The following DCAF7 variants were observed in gnomAD, a reference collection of about 807,000 sequenced individuals.
The protein encoded by DCAF7 is DDB1 and CUL4 associated factor 7.
DCAF7 carries 4 observed loss-of-function variants against 41.2 expected under a neutral mutation model. The ratio of observed to expected loss-of-function variants is 0.10; its 90% CI spans 0.05 to 0.22. The LOEUF is 0.22. Ranked by LOEUF, DCAF7 falls within the 10% of genes least tolerant of loss-of-function variation. The pLI is 1.00. For missense variants in DCAF7, 131 were observed against 443.2 expected (o/e 0.30, Z 6.32); for synonymous variants, 143 against 164.2 (o/e 0.87, Z 0.99).
At chr17:63,579,153 G>A (rs1367361266) in intron 2 of DCAF7, among the ~76,000 whole-genome samples, 184 bp from the exon 3 acceptor site, 2 of 152,116 alleles carry the variant, frequency 1.3e-5, no homozygotes, top group East Asian at 3.9e-4. Context: ...AACAAAGCTG[G>A]GCAGAGGAGA....
chr17:63,578,642 T>TTA lies in DCAF7; in HGVS notation c.297+16_297+17dup. The stretch of plus-strand genomic sequence containing the variant: ...CGTGTGTGGAGGGTAAGCGGATGCT[T>TTA]TATTAGCAGCCAGACAAGTGGGCTT... On this transcript the variant is annotated intron_variant, in intron 2 of 6. Transcript: ENST00000614556. 1.9e-6 allele frequency: 3 copies of TTA among 1,613,800 alleles called. No homozygotes were observed. The highest frequency in any genetic ancestry group is 2.5e-6 in the Non-Finnish European group (3 of 1,179,736).
intron 1 of DCAF7, among the ~76,000 whole-genome samples, chr17:63,569,383 GAAA>G (rs796123483): frequency 3.2e-5 from 4 of 123,694 alleles, no homozygotes; most frequent in Non-Finnish European, 5.2e-5. Context: ...CTACTTTAAG[GAAA>G]AAAAAAAAAA....
chr17:63,557,028 C>A (rs543636627), intron 1 of DCAF7, among the ~76,000 whole-genome samples: 1 of 151,814 alleles, frequency 6.6e-6, no homozygotes. Context: ...ACCGCCATCT[C>A]AAAACCAAAA....
chr17:63,561,411 T>C (rs1181914878), intron 1 of DCAF7, among the ~76,000 whole-genome samples: 7 of 151,992 alleles, frequency 4.6e-5, no homozygotes, highest in Non-Finnish European at 8.8e-5. Context: ...TTAAGTGAAG[T>C]AGACAAAACA....
chr17:63,560,030 T>C (rs185433806), intron 1 of DCAF7, among the ~76,000 whole-genome samples: 1 of 151,912 alleles, frequency 6.6e-6, no homozygotes, highest in Non-Finnish European at 1.5e-5. Flanking sequence ...CATATAAAGA[T>C]CTGCAAATCA....
intron 4 of DCAF7, among the ~76,000 whole-genome samples, chr17:63,581,978 C>T (rs1022763043): frequency 5.3e-5 from 8 of 152,104 alleles, no homozygotes; most frequent in South Asian, 4.1e-4. Flanking sequence ...CACTTAGAGC[C>T]GAGAGAGCAT....
chr17:63,588,657 T>C (rs1284647653), intron 6 of DCAF7, among the ~76,000 whole-genome samples: 1 of 152,172 alleles, frequency 6.6e-6, no homozygotes, highest in Non-Finnish European at 1.5e-5. Context: ...TTTAAGTGGC[T>C]GCAAATGACA....
At chr17:63,578,145 G>T (rs774530943) in intron 1 of DCAF7, among the ~76,000 whole-genome samples, 1 of 152,102 alleles carries the variant, frequency 6.6e-6, no homozygotes, top group Non-Finnish European at 1.5e-5. Flanking sequence ...GGGAGGATCA[G>T]TTGAGCCCAG....
chr17:63,578,860 G>A (rs1167982384), intron 2 of DCAF7, among the ~76,000 whole-genome samples: 1 of 152,214 alleles, frequency 6.6e-6, no homozygotes, highest in African/African-American at 2.4e-5. Context: ...CAGTCAACCC[G>A]AGGTGATGAT....
chr17:63,577,627 A>G (rs1413474529), intron 1 of DCAF7, among the ~76,000 whole-genome samples: 1 of 152,206 alleles, frequency 6.6e-6, no homozygotes, highest in Non-Finnish European at 1.5e-5. Flanking sequence ...GTCATTTGAC[A>G]TACCTTTATG....
chr17:63,588,194 T>C (rs1274549629), intron 6 of DCAF7, among the ~76,000 whole-genome samples: 7 of 146,220 alleles, frequency 4.8e-5, no homozygotes, highest in African/African-American at 8.1e-5. Flanking sequence ...CTTGGATTTT[T>C]TTTTTTTTTT....
At chr17:63,560,842 C>T (rs146343822) in intron 1 of DCAF7, among the ~76,000 whole-genome samples, 7 of 152,278 alleles carry the variant, frequency 4.6e-5, no homozygotes, top group Non-Finnish European at 7.4e-5. Flanking sequence ...TAGCAAGAAG[C>T]AGTTCTTTTT....
At chr17:63,573,570 C>CA (rs60800701) in intron 1 of DCAF7, among the ~76,000 whole-genome samples, 2,227 of 147,818 alleles carry the variant, frequency 0.015, 56 homozygotes, top group African/African-American at 0.051. Context: ...ACGAAAAATA[C>CA]AAAAAAAAAA....
In DCAF7 at chr17:63,578,709, CAG is replaced by C. The variant is rs1010457053; in HGVS notation, c.297+82_297+83del. ...TAGCAGTGAAAAGTCACAGAACAGA[CAG>C]GGGTCAGAGGCAGCGAGTGTCATTG... is the stretch of plus-strand genomic sequence containing the variant. On this transcript the variant is annotated intron_variant, in intron 2 of 6. Coordinates refer to ENST00000614556, the MANE Select transcript of DCAF7 (RefSeq NM_005828.5). 218 of 1,585,566 alleles carry C rather than the reference CAG, an allele frequency of 1.4e-4. 2 individuals carry two copies. In the Middle Eastern group the frequency reaches 1.7e-3, roughly 12 times the overall value.
rs115370036 is a variant in DCAF7, at chr17:63,558,442, G to A, written c.138+7627G>A. On this transcript the variant is annotated intron_variant, in intron 1 of 6. Coordinates refer to ENST00000614556, the MANE Select transcript of DCAF7 (RefSeq NM_005828.5). ...TGCTGGGGAACACAAAACAATACTC[G>A]AAAAATGGGAAGGTATTCTCTTTTC... Among the ~76,000 whole-genome samples, 522 of 152,212 alleles carry A rather than the reference G, an allele frequency of 3.4e-3. 3 individuals carry two copies. Among genetic ancestry groups the A allele is most frequent in the African/African-American group, 0.012 (483 of 41,544 alleles).
At chr17:63,559,268 A>G (rs2033342872) in intron 1 of DCAF7, among the ~76,000 whole-genome samples, 1 of 147,430 alleles carries the variant, frequency 6.8e-6, no homozygotes, top group Non-Finnish European at 1.5e-5. Flanking sequence ...CCAAGATTGC[A>G]TCATTGCACT....
intron 4 of DCAF7, among the ~76,000 whole-genome samples, chr17:63,581,554 C>A (rs2033622941): frequency 6.6e-6 from 1 of 152,176 alleles, no homozygotes; most frequent in Non-Finnish European, 1.5e-5. Context: ...TTTTCCCTGC[C>A]TCCCATCATC....
At chr17:63,561,839 T>A (rs1340583477) in intron 1 of DCAF7, among the ~76,000 whole-genome samples, 1 of 152,016 alleles carries the variant, frequency 6.6e-6, no homozygotes, top group Non-Finnish European at 1.5e-5. Context: ...TAAGTTGAAA[T>A]CAACTGATTG....
intron 1 of DCAF7, among the ~76,000 whole-genome samples, chr17:63,578,176 C>T (rs373034923): frequency 6.6e-6 from 1 of 152,104 alleles, no homozygotes; most frequent in African/African-American, 2.4e-5. Flanking sequence ...CCAGCCTGGG[C>T]AACATGTGAG....
Sources: allele counts gnomAD v4.1 joint callset (sites outside exome capture counted in the v4.1 genomes callset), GRCh38; gene constraint gnomAD v4.1.1; transcripts MANE v1.5; gene names NCBI Gene and HGNC (gene_info 2026-07-23, HGNC 2026-07-21).